Variants in CTNNA2 observed in about 807,000 individuals in gnomAD.
The protein encoded by CTNNA2 is catenin alpha-2.
A neutral mutation model predicts 101.0 loss-of-function variants in CTNNA2; 42 were observed. The ratio of observed to expected loss-of-function variants is 0.42; its 90% CI spans 0.32 to 0.54. The LOEUF is 0.54. Among genes scored for constraint, CTNNA2 ranks in the 20% least tolerant of loss-of-function variants. The pLI is 0.14. For synonymous variants in CTNNA2, 450 were observed against 456.4 expected, an observed-to-expected ratio of 0.99 and a Z score of 0.18; for missense variants, 871 against 1,223.1, an observed-to-expected ratio of 0.71 and a Z score of 4.29.
At position 80,541,354 on chromosome 2, in the gene CTNNA2, G is replaced by A. The variant is rs79116034; in HGVS notation, c.1291-3628G>A. 4.1e-3 allele frequency among the ~76,000 whole-genome samples: 631 copies of A among 152,218 alleles called. 4 individuals are homozygous for A. Among genetic ancestry groups the A allele is most frequent in the African/African-American group, 0.014 (594 of 41,528 alleles). Reference sequence around the variant, plus strand: ...TAGGCTGCCAGACTTTAGGATTTATGGATCAGTACAATTAAAGAGAATAAA... The same window carrying A: ...TAGGCTGCCAGACTTTAGGATTTATAGATCAGTACAATTAAAGAGAATAAA... On this transcript the variant is annotated intron_variant, in intron 9 of 18. Coordinates refer to ENST00000402739, the MANE Select transcript of CTNNA2 (RefSeq NM_001282597.3).
At chr2:80,275,407 CT>C (rs1170738021) in intron 7 of CTNNA2, among the ~76,000 whole-genome samples, 1 of 152,062 alleles carries the variant, frequency 6.6e-6, no homozygotes, top group African/African-American at 2.4e-5. Flanking sequence ...AATTAAATGG[CT>C]TTTATGATTT....
At chr2:79,944,282 A>C (rs1036231264) in intron 7 of CTNNA2, among the ~76,000 whole-genome samples, 5 of 152,178 alleles carry the variant, frequency 3.3e-5, no homozygotes, top group African/African-American at 1.2e-4. Flanking sequence ...AACCCACTAG[A>C]TGTAGCCAGT....
intron 7 of CTNNA2, among the ~76,000 whole-genome samples, chr2:80,046,909 G>A (rs556851950): frequency 6.6e-6 from 1 of 152,342 alleles, no homozygotes; most frequent in African/African-American, 2.4e-5. Flanking sequence ...GTATAGCACG[G>A]ATTCAAATCT....
chr2:79,605,368 A>T (rs1171748506), intron 1 of CTNNA2, among the ~76,000 whole-genome samples: 1 of 152,048 alleles, frequency 6.6e-6, no homozygotes, highest in Admixed American at 6.6e-5. Flanking sequence ...CAACTAGCAT[A>T]AAAAAAATTT....
At chr2:79,206,287 GAA>G (rs561219212) in intron 2 of CTNNA2, among the ~76,000 whole-genome samples, 3 of 122,440 alleles carry the variant, frequency 2.5e-5, no homozygotes, top group Admixed American at 1.6e-4. Flanking sequence ...GTTTGAATAA[GAA>G]AAAAAAAAAA....
At chr2:80,167,808 G>T (rs1227666456) in intron 7 of CTNNA2, among the ~76,000 whole-genome samples, 1 of 152,078 alleles carries the variant, frequency 6.6e-6, no homozygotes, top group Non-Finnish European at 1.5e-5. Context: ...TTTCCATTCA[G>T]CTCTTAGAGG....
At chr2:79,743,917 C>T (rs13408023) in intron 2 of CTNNA2, among the ~76,000 whole-genome samples, 5,862 of 152,114 alleles carry the variant, frequency 0.039, 330 homozygotes, top group African/African-American at 0.12. Context: ...ACATAAGTAC[C>T]GGGTGTTGGC....
At chr2:80,251,036 C>A (rs1460652952) in intron 7 of CTNNA2, among the ~76,000 whole-genome samples, 2 of 152,110 alleles carry the variant, frequency 1.3e-5, no homozygotes, top group African/African-American at 2.4e-5. Flanking sequence ...CTGAATATTG[C>A]TGTTGTTATC....
chr2:79,613,271 A>G (rs1678406344), intron 1 of CTNNA2, among the ~76,000 whole-genome samples: 1 of 151,896 alleles, frequency 6.6e-6, no homozygotes, highest in Admixed American at 6.6e-5. Context: ...TCAGACTCAC[A>G]GATTTTCTGG....
At chr2:79,511,881 C>CA (rs1424019165), upstream of CTNNA2, among the ~76,000 whole-genome samples, 1 of 152,136 alleles carries the variant, frequency 6.6e-6, no homozygotes, top group Admixed American at 6.5e-5. Flanking sequence ...TCGGCATGAA[C>CA]ACACGCACTG....
rs116655985 is a variant in CTNNA2, at chr2:79,591,139, C to A, written c.-5-60413C>A. 5.7e-3 allele frequency among the ~76,000 whole-genome samples: 871 copies of A among 152,272 alleles called. 7 individuals carry two copies. Among genetic ancestry groups the A allele is most frequent in the African/African-American group, 0.02 (824 of 41,556 alleles). ...ACAAGGTTTTGCTATTTATAAGAAGCAAATTACTATAAATCTCTACTATCA... is the reference window on the plus strand; with the variant it reads ...ACAAGGTTTTGCTATTTATAAGAAGAAAATTACTATAAATCTCTACTATCA... On this transcript the variant is annotated intron_variant, in intron 1 of 18. Transcript: ENST00000402739.
intron 7 of CTNNA2, among the ~76,000 whole-genome samples, chr2:80,251,168 A>G (rs1671735330): frequency 6.6e-6 from 1 of 152,152 alleles, no homozygotes; most frequent in Admixed American, 6.6e-5. Context: ...AGTAGCACTG[A>G]TGCAGGGCTT....
chr2:79,466,832 A>G (rs1670942362), intron 4 of CTNNA2, among the ~76,000 whole-genome samples: 1 of 152,244 alleles, frequency 6.6e-6, no homozygotes. Flanking sequence ...TATTAGAAGG[A>G]AAACTAATGA....
chr2:80,360,023 A>T (rs567481451), intron 7 of CTNNA2, among the ~76,000 whole-genome samples: 7 of 152,292 alleles, frequency 4.6e-5, no homozygotes, highest in South Asian at 4.1e-4. Flanking sequence ...TTTTACCATC[A>T]TATAGTTATC....
rs146416555 is a variant in CTNNA2 at position 80,056,036 on chromosome 2, A to T, written c.1056+146239A>T. On this transcript the variant is annotated intron_variant, in intron 7 of 18. Transcript: ENST00000402739. Reference sequence around the variant, plus strand: ...AGTCATTTAAACAACTGGGCAATGCATGTTCAACTGTCATAGAAGTCTGGA... The same window carrying T: ...AGTCATTTAAACAACTGGGCAATGCTTGTTCAACTGTCATAGAAGTCTGGA... Among the ~76,000 whole-genome samples, 501 of 152,340 alleles carry T rather than the reference A, an allele frequency of 3.3e-3. 5 individuals carry two copies. The highest frequency in any genetic ancestry group is 0.011 in the African/African-American group (474 of 41,584).
intron 7 of CTNNA2, among the ~76,000 whole-genome samples, chr2:80,231,899 A>G (rs1709235446): frequency 6.6e-6 from 1 of 152,194 alleles, no homozygotes; most frequent in South Asian, 2.1e-4. Context: ...TTAAAGGTCT[A>G]AATAGAAATC....
At chr2:79,397,826 T>C (rs1214287261) in intron 4 of CTNNA2, among the ~76,000 whole-genome samples, 5 of 152,078 alleles carry the variant, frequency 3.3e-5, no homozygotes. Flanking sequence ...TCTGTTTATT[T>C]TTTTTATAAT....
chr2:80,335,154 A>G (rs1205074549), intron 7 of CTNNA2, among the ~76,000 whole-genome samples: 1 of 152,198 alleles, frequency 6.6e-6, no homozygotes, highest in Admixed American at 6.5e-5. Flanking sequence ...AGACAGGGAG[A>G]AAACTTTCAT....
chr2:79,648,097 C>T (rs1439929871), intron 1 of CTNNA2, among the ~76,000 whole-genome samples: 1 of 152,216 alleles, frequency 6.6e-6, no homozygotes, highest in Non-Finnish European at 1.5e-5. Context: ...TGACTATTTA[C>T]TGAAAAATCC....
Sources: gnomAD v4.1 joint callset for allele counts (sites outside exome capture counted in the v4.1 genomes callset) on GRCh38, gnomAD v4.1.1 for gene constraint, MANE v1.5 for transcripts, NCBI Gene and HGNC (gene_info 2026-07-23, HGNC 2026-07-21) for gene names.